Variants in IGSF21 observed in about 807,000 individuals in gnomAD.
IGSF21 encodes immunoglobin superfamily member 21, also known as immunoglobulin superfamily member 21.
A neutral mutation model predicts 46.8 loss-of-function variants in IGSF21; 28 were observed. The observed-to-expected ratio is 0.60, with a 90% CI of 0.44 to 0.82. IGSF21 has a LOEUF of 0.82. Ranked by LOEUF, IGSF21 falls within the 40% of genes least tolerant of loss-of-function variation. The pLI, the probability that IGSF21 is intolerant of heterozygous loss-of-function variation, is 0.00. For synonymous variants in IGSF21, 284 were observed against 273.6 expected, an observed-to-expected ratio of 1.04 and a Z score of -0.38; for missense variants, 624 against 665.5, an observed-to-expected ratio of 0.94 and a Z score of 0.69.
intron 3 of IGSF21, among the ~76,000 whole-genome samples, chr1:18,302,280 C>T (rs1265261682): frequency 1.3e-5 from 2 of 152,136 alleles, no homozygotes; most frequent in Non-Finnish European, 2.9e-5. Flanking sequence ...CCCATGCATT[C>T]CACTTTAGCC....
chr1:18,378,374 G>C lies in IGSF21; in HGVS notation c.*48G>C. The C allele has an allele frequency of 3.5e-6, 5 of 1,447,000 alleles. No homozygotes were observed. The highest frequency in any genetic ancestry group is 3.9e-6 in the Non-Finnish European group (4 of 1,035,920). 89.6% of individuals were successfully genotyped at this position (1,447,000 alleles called of 1,614,324 possible). Reference sequence around the variant, plus strand: ...ATCAGGCACTGACATCTCCACGACCGGTTTTCATTTCTTTTCTAAACTATT... The same window carrying C: ...ATCAGGCACTGACATCTCCACGACCCGTTTTCATTTCTTTTCTAAACTATT... On this transcript the variant is annotated 3_prime_UTR_variant, in exon 10 of 10. Coordinates refer to ENST00000251296, the MANE Select transcript of IGSF21 (RefSeq NM_032880.5).
chr1:18,376,109 C>T (rs1023030732), intron 6 of IGSF21: 1 of 564,870 alleles, frequency 1.8e-6, no homozygotes, highest in Non-Finnish European at 3.3e-6. Flanking sequence ...TCCTAGAGAG[C>T]ATCTGATTCA....
intron 4 of IGSF21, among the ~76,000 whole-genome samples, chr1:18,339,751 A>G (rs1230578860): frequency 2.6e-5 from 4 of 152,128 alleles, no homozygotes; most frequent in African/African-American, 4.8e-5. Context: ...AAACCAATAA[A>G]ACCAAACAAC....
At chr1:18,333,618 C>T (rs2085736648) in intron 3 of IGSF21, among the ~76,000 whole-genome samples, 1 of 152,210 alleles carries the variant, frequency 6.6e-6, no homozygotes, top group African/African-American at 2.4e-5. Context: ...CCATGATTTA[C>T]AAACAGTAGG....
At chr1:18,368,781 C>T (rs995359546) in intron 6 of IGSF21, among the ~76,000 whole-genome samples, 4 of 152,140 alleles carry the variant, frequency 2.6e-5, no homozygotes, top group East Asian at 1.9e-4. Context: ...TGGCTTCCAG[C>T]GGGGTGGCAC....
chr1:18,198,928 C>T (rs187316214), intron 1 of IGSF21, among the ~76,000 whole-genome samples: 1 of 151,950 alleles, frequency 6.6e-6, no homozygotes, highest in African/African-American at 2.4e-5. Context: ...GATGCCCCCC[C>T]AAAGCAAGAC....
At chr1:18,359,462 G>GGGAGGGAAGGAA (rs2086075014) in intron 4 of IGSF21, among the ~76,000 whole-genome samples, 1 of 74,834 alleles carries the variant, frequency 1.3e-5, no homozygotes, top group African/African-American at 5.4e-5. Flanking sequence ...AAGAAAGAAA[G>GGGAGGGAAGGAA]GGAAGGAAGG....
At chr1:18,321,575 G>C (rs2085601621) in intron 3 of IGSF21, among the ~76,000 whole-genome samples, 1 of 152,198 alleles carries the variant, frequency 6.6e-6, no homozygotes. Flanking sequence ...ATTCCAGGTT[G>C]GCTGGGGGCC....
rs181147291 is a variant in IGSF21 at position 18,322,668 on chromosome 1, G to C, written c.306-12224G>C. Among the ~76,000 whole-genome samples the C allele has an allele frequency of 3.9e-5, 6 of 152,196 alleles. No homozygotes were observed. In the East Asian group the frequency reaches 9.7e-4, roughly 25 times the overall value. ...TGCCTGCCAGTCCTGGGATGGCGTCGGGTGAAGGTAGGAAAAACACTCTGA... is the reference window on the plus strand; with the variant it reads ...TGCCTGCCAGTCCTGGGATGGCGTCCGGTGAAGGTAGGAAAAACACTCTGA... On this transcript the variant is annotated intron_variant, in intron 3 of 9. Coordinates refer to ENST00000251296, the MANE Select transcript of IGSF21 (RefSeq NM_032880.5). The surrounding 1 kb of genome is among the most constrained non-coding windows in gnomAD (Gnocchi z 4.3).
chr1:18,362,950 G>A (rs149465312), intron 5 of IGSF21, among the ~76,000 whole-genome samples: 4 of 152,270 alleles, frequency 2.6e-5, no homozygotes, highest in African/African-American at 9.6e-5. Context: ...TTCTGCCTCT[G>A]TTTCTGCAAG....
chr1:18,275,802 G>A (rs1330446147), intron 2 of IGSF21, among the ~76,000 whole-genome samples: 2 of 152,064 alleles, frequency 1.3e-5, no homozygotes, highest in East Asian at 3.9e-4. Context: ...GCTCCTCCCA[G>A]TGGGGCCCCT....
Position 18,335,972 on chromosome 1 carries a change from G to A in IGSF21, c.424+962G>A, listed in dbSNP as rs2124607069. On this transcript the variant is annotated intron_variant, in intron 4 of 9. Coordinates refer to ENST00000251296, the MANE Select transcript of IGSF21 (RefSeq NM_032880.5). This position sits in a 1 kb window ranked among gnomAD's most constrained non-coding sequence, Gnocchi z 4.8. ...TGCACCACTCAGCTCCTCTGATAAA[G>A]GAACTAGCAGCGTTTGGGTGCCTGG... 6.6e-6 allele frequency among the ~76,000 whole-genome samples: 1 copy of A among 152,310 alleles called. No homozygotes were observed. Among genetic ancestry groups the A allele is most frequent in the East Asian group, 1.9e-4 (1 of 5,176 alleles).
At chr1:18,134,512 C>G (rs530299091) in intron 1 of IGSF21, among the ~76,000 whole-genome samples, 2 of 152,218 alleles carry the variant, frequency 1.3e-5, no homozygotes, top group Non-Finnish European at 2.9e-5. Flanking sequence ...GCTCATCTCC[C>G]AGGCCTCTTA....
rs547161836 is a variant in IGSF21 at position 18,290,518 on chromosome 1, G to T, written c.184-1348G>T. 6.6e-6 allele frequency among the ~76,000 whole-genome samples: 1 copy of T among 152,276 alleles called. No individual in the cohort carries two copies. The highest frequency in any genetic ancestry group is 2.1e-4 in the South Asian group (1 of 4,818). ...GGCCACCTTACTCTTTACAAAGCTTGCAGGCTATGGAAAGTGACTGGCACA... is the reference window on the plus strand; with the variant it reads ...GGCCACCTTACTCTTTACAAAGCTTTCAGGCTATGGAAAGTGACTGGCACA... On this transcript the variant is annotated intron_variant, in intron 2 of 9. Transcript: ENST00000251296. This position sits in a 1 kb window ranked among gnomAD's most constrained non-coding sequence, Gnocchi z 4.2.
intron 2 of IGSF21, among the ~76,000 whole-genome samples, chr1:18,246,598 C>A (rs1252097831): frequency 6.6e-6 from 1 of 152,188 alleles, no homozygotes; most frequent in Admixed American, 6.5e-5. Context: ...ACACGGGGTG[C>A]CTGACTGAGA....
chr1:18,377,442 AC>A lies in IGSF21; in HGVS notation c.1333+14del, dbSNP rs757408565. ...CGGAGGACTCTAATGGTAAGTCTCT[AC>A]CCTCAGGATTTTTTGCTTAAAAGGG... On this transcript the variant is annotated intron_variant, in intron 9 of 9. Coordinates refer to ENST00000251296, the MANE Select transcript of IGSF21 (RefSeq NM_032880.5). 1 of 1,611,788 alleles carries A rather than the reference AC, an allele frequency of 6.2e-7. No individual in the cohort carries two copies. The highest frequency in any genetic ancestry group is 1.1e-5 in the South Asian group (1 of 91,018).
intron 2 of IGSF21, among the ~76,000 whole-genome samples, chr1:18,288,650 C>T (rs535598499): frequency 6.6e-6 from 1 of 152,336 alleles, no homozygotes; most frequent in African/African-American, 2.4e-5. Context: ...GCCCTCTAAC[C>T]ACCAGGAACC....
intron 1 of IGSF21, among the ~76,000 whole-genome samples, chr1:18,202,279 G>A (rs2087083039): frequency 6.6e-6 from 1 of 152,138 alleles, no homozygotes; most frequent in East Asian, 1.9e-4. Flanking sequence ...GGGCTGGCTG[G>A]GACTGGCACA....
intron 1 of IGSF21, among the ~76,000 whole-genome samples, chr1:18,133,271 C>T (rs1394079062): frequency 5.9e-5 from 9 of 152,160 alleles, no homozygotes; most frequent in Admixed American, 2.0e-4. Context: ...GCCAGGGCTC[C>T]GGTTCCATCT....
Sources: gnomAD v4.1 joint callset for allele counts (sites outside exome capture counted in the v4.1 genomes callset) on GRCh38, gnomAD v4.1.1 for gene constraint, Gnocchi (gnomAD v3.1) non-coding constraint, MANE v1.5 for transcripts, NCBI Gene and HGNC (gene_info 2026-07-23, HGNC 2026-07-21) for gene names.